DHX57: variants seen among roughly 807,000 people sequenced by gnomAD.
The protein encoded by DHX57 is DExH-box helicase 57.
DHX57 carries 105 observed loss-of-function variants against 156.2 expected under a neutral mutation model. The observed-to-expected ratio is 0.67, with a 90% CI of 0.57 to 0.79. The LOEUF (loss-of-function observed/expected upper bound fraction) is 0.79. Ranked by LOEUF, DHX57 falls within the 30% of genes least tolerant of loss-of-function variation. The probability of loss-of-function intolerance (pLI) is 0.00; values close to 1 mark genes in which losing one functional copy is unlikely to be tolerated. For synonymous variants in DHX57, 704 were observed against 595.6 expected (o/e 1.18, Z -2.65); for missense variants, 1,847 against 1,661.9 (o/e 1.11, Z -1.94).
intron 17 of DHX57, among the ~76,000 whole-genome samples, chr2:38,821,481 G>A (rs1006398985): frequency 6.6e-6 from 1 of 151,870 alleles, no homozygotes; most frequent in South Asian, 2.1e-4. Context: ...AGATCACAAG[G>A]TCAGGAGTTA....
chr2:38,868,545 G>C, intron 1 of DHX57, 134 bp from the exon 2 acceptor site: 2 of 942,862 alleles, frequency 2.1e-6, no homozygotes, highest in South Asian at 3.6e-5. Context: ...GCTGGTCTTG[G>C]GGCAGGATTC....
At chr2:38,821,416 C>G (rs1288135804) in intron 17 of DHX57, among the ~76,000 whole-genome samples, 1 of 152,096 alleles carries the variant, frequency 6.6e-6, no homozygotes, top group Non-Finnish European at 1.5e-5. Context: ...AATAAAACTG[C>G]CAGGCATGGT....
chr2:38,869,647 T>G (rs900541025), intron 1 of DHX57, among the ~76,000 whole-genome samples: 4 of 152,154 alleles, frequency 2.6e-5, no homozygotes, highest in Non-Finnish European at 5.9e-5. Flanking sequence ...AGGAGGGAAA[T>G]AGACTTCACT....
intron 1 of DHX57, among the ~76,000 whole-genome samples, chr2:38,874,097 T>C (rs916238729): frequency 1.5e-5 from 2 of 135,658 alleles, no homozygotes; most frequent in African/African-American, 5.1e-5. Context: ...TTTTTCTTTC[T>C]TTCTTTTTTT....
chr2:38,856,272 G>A, intron 7 of DHX57, 68 bp downstream of exon 7: 1 of 1,550,486 alleles, frequency 6.4e-7, no homozygotes, highest in South Asian at 1.3e-5. Flanking sequence ...AGTTCAACTG[G>A]TTATGGTAAC....
chr2:38,874,605 T>A (rs1665518046), intron 1 of DHX57, among the ~76,000 whole-genome samples: 1 of 151,766 alleles, frequency 6.6e-6, no homozygotes, highest in Non-Finnish European at 1.5e-5. Flanking sequence ...GAGACAGGGT[T>A]TCACCGTGTT....
At chr2:38,826,819 G>C (rs1671109982) in intron 14 of DHX57, 130 bp from the exon 15 acceptor site, 1 of 987,096 alleles carries the variant, frequency 1.0e-6, no homozygotes, top group Non-Finnish European at 1.5e-6. Flanking sequence ...CCTGTCCTCA[G>C]AGCTCAGCTC....
At chr2:38,845,736 C>A (rs1247296985) in intron 11 of DHX57, among the ~76,000 whole-genome samples, 1 of 152,058 alleles carries the variant, frequency 6.6e-6, no homozygotes, top group Non-Finnish European at 1.5e-5. Context: ...GAAGAGAGAT[C>A]TGTTTATATG....
intron 22 of DHX57, among the ~76,000 whole-genome samples, chr2:38,803,278 C>T (rs1158063536): frequency 6.6e-6 from 1 of 151,632 alleles, no homozygotes; most frequent in Admixed American, 6.6e-5. Flanking sequence ...GTGCCTGGCC[C>T]AGATGGAATT....
At chr2:38,859,547 G>A (rs1434015308) in intron 5 of DHX57, among the ~76,000 whole-genome samples, 1 of 152,118 alleles carries the variant, frequency 6.6e-6, no homozygotes, top group Non-Finnish European at 1.5e-5. Flanking sequence ...TATAAATTAT[G>A]TCTCAATAAA....
chr2:38,875,221 GC>G (rs1053329845), intron 1 of DHX57, among the ~76,000 whole-genome samples: 1 of 152,174 alleles, frequency 6.6e-6, no homozygotes, highest in African/African-American at 2.4e-5. Context: ...ATTCCATCTA[GC>G]CCGGGAAGAC....
chr2:38,841,700 G>A (rs1010815943), intron 12 of DHX57, among the ~76,000 whole-genome samples: 2 of 152,134 alleles, frequency 1.3e-5, no homozygotes, highest in Non-Finnish European at 2.9e-5. Flanking sequence ...TACGGAAAAA[G>A]GAGCAAGAAG....
chr2:38,863,716 C>T (rs115112026), intron 2 of DHX57, among the ~76,000 whole-genome samples, 197 bp from the exon 3 acceptor site: 196 of 152,216 alleles, frequency 1.3e-3, no homozygotes, highest in African/African-American at 4.5e-3. Context: ...TGGAAAAAAA[C>T]CTTATCAGAT....
At chr2:38,860,353 G>C (rs763317155) in intron 5 of DHX57, among the ~76,000 whole-genome samples, 1 of 152,184 alleles carries the variant, frequency 6.6e-6, no homozygotes, top group Non-Finnish European at 1.5e-5. Context: ...GGAGGCTGAG[G>C]CAGGAGAATC....
At chr2:38,842,895 G>A (rs1672083334) in intron 12 of DHX57, 110 bp downstream of exon 12, 1 of 1,138,028 alleles carries the variant, frequency 8.8e-7, no homozygotes, top group Non-Finnish European at 1.3e-6. Context: ...TGAATTAAAG[G>A]CAATGTAACT....
chr2:38,850,325 C>T (rs554188504), intron 9 of DHX57, among the ~76,000 whole-genome samples: 1 of 152,104 alleles, frequency 6.6e-6, no homozygotes, highest in African/African-American at 2.4e-5. Context: ...CTCTGTCACC[C>T]AGGCTGGAGT....
chr2:38,864,195 A>G (rs1251959026), intron 2 of DHX57, among the ~76,000 whole-genome samples: 1 of 151,488 alleles, frequency 6.6e-6, no homozygotes, highest in African/African-American at 2.4e-5. Context: ...TTCCTTGTGA[A>G]TATTAAGGCC....
rs1195128332 is a variant in DHX57, at chr2:38,810,922, A to C, written c.3681+2899T>G. On this transcript the variant is annotated intron_variant, in intron 21 of 23. Coordinates refer to ENST00000457308, the MANE Select transcript of DHX57 (RefSeq NM_198963.3). ...CTTGCCTGCGACTTCATTCAGGTAC[A>C]TGAAGAGCACCAAGGAGGTCTGGTG... 6.1e-6 allele frequency: 5 copies of C among 823,714 alleles called. No homozygotes were observed. The East Asian group carries it at 1.1e-4, about 18-fold the overall frequency. 51.0% of individuals were successfully genotyped at this position (823,714 alleles called of 1,614,324 possible).
intron 21 of DHX57, among the ~76,000 whole-genome samples, chr2:38,807,732 C>A (rs1367282914): frequency 6.6e-6 from 1 of 151,864 alleles, no homozygotes; most frequent in Non-Finnish European, 1.5e-5. Flanking sequence ...ACTGCAACCT[C>A]CGCCTCCTGG....
Sources: allele counts gnomAD v4.1 joint callset (sites outside exome capture counted in the v4.1 genomes callset), GRCh38; gene constraint gnomAD v4.1.1; transcripts MANE v1.5; gene names NCBI Gene and HGNC (gene_info 2026-07-23, HGNC 2026-07-21).